MYO16: variants seen among roughly 807,000 people sequenced by gnomAD.
MYO16 encodes myosin XVI.
A neutral mutation model predicts 205.3 loss-of-function variants in MYO16; 94 were observed. The ratio of observed to expected loss-of-function variants is 0.46; its 90% CI spans 0.39 to 0.54. The LOEUF is 0.54. Among genes scored for constraint, MYO16 ranks in the 20% least tolerant of loss-of-function variants. MYO16 has a pLI of 0.00. For missense variants in MYO16, 2,315 were observed against 2,387.5 expected (o/e 0.97, Z 0.63); for synonymous variants, 988 against 954.0 (o/e 1.04, Z -0.66).
intron 27 of MYO16, among the ~76,000 whole-genome samples, chr13:109,073,453 T>C (rs1390203573): frequency 6.6e-6 from 1 of 152,018 alleles, no homozygotes; most frequent in Non-Finnish European, 1.5e-5. Flanking sequence ...GCATTCAAAT[T>C]ATTAAAAAGC....
intron 1 of MYO16, among the ~76,000 whole-genome samples, chr13:108,642,170 T>G (rs2139380537): frequency 6.6e-6 from 1 of 152,336 alleles, no homozygotes; most frequent in Admixed American, 6.5e-5. Flanking sequence ...ACCGTTATTC[T>G]TTCCTTTATC....
At chr13:108,923,565 C>T (rs1398754753) in intron 16 of MYO16, among the ~76,000 whole-genome samples, 2 of 152,200 alleles carry the variant, frequency 1.3e-5, no homozygotes, top group Non-Finnish European at 2.9e-5. Flanking sequence ...GCTGGTATGG[C>T]CAACCCGCTG....
At chr13:108,701,706 G>C (rs945480691) in intron 2 of MYO16, among the ~76,000 whole-genome samples, 2 of 152,000 alleles carry the variant, frequency 1.3e-5, no homozygotes, top group Non-Finnish European at 2.9e-5. Context: ...GAAAAAAGTA[G>C]TCAACAGAAT....
chr13:108,970,079 G>A (rs949448762), intron 20 of MYO16, among the ~76,000 whole-genome samples: 1 of 152,274 alleles, frequency 6.6e-6, no homozygotes, highest in South Asian at 2.1e-4. Flanking sequence ...GGGGGAACAC[G>A]TTAAAATTAC....
intron 2 of MYO16, among the ~76,000 whole-genome samples, chr13:108,697,509 G>T (rs558684724): frequency 6.6e-6 from 1 of 152,274 alleles, no homozygotes; most frequent in East Asian, 1.9e-4. Flanking sequence ...GTGACACAAG[G>T]ATCTAATGTA....
At chr13:108,902,710 C>T (rs1880768442) in intron 15 of MYO16, among the ~76,000 whole-genome samples, 1 of 152,110 alleles carries the variant, frequency 6.6e-6, no homozygotes. Context: ...TGACTCATGA[C>T]CTTCTCCCTG....
At chr13:109,193,000 C>A (rs1490093745) in intron 34 of MYO16, among the ~76,000 whole-genome samples, 2 of 152,138 alleles carry the variant, frequency 1.3e-5, no homozygotes, top group Non-Finnish European at 2.9e-5. Context: ...AATCATGCCT[C>A]TTCATGTCTT....
intron 2 of MYO16, among the ~76,000 whole-genome samples, chr13:108,687,808 A>T (rs998907249): frequency 6.6e-6 from 1 of 152,206 alleles, no homozygotes; most frequent in Non-Finnish European, 1.5e-5. Flanking sequence ...CATTGGTAGA[A>T]GTACATTATC....
intron 31 of MYO16, among the ~76,000 whole-genome samples, chr13:109,133,011 C>T (rs1446588200): frequency 6.6e-6 from 1 of 152,130 alleles, no homozygotes; most frequent in African/African-American, 2.4e-5. Flanking sequence ...GCATCGAGTG[C>T]AGTAGTGCAG....
the MYO16 span, among the ~76,000 whole-genome samples, chr13:108,590,008 G>A: frequency 1.4e-3 from 207 of 152,034 alleles, no homozygotes; most frequent in African/African-American, 4.9e-3. Flanking sequence ...TTCTAAATGT[G>A]TGCAGTGATA....
intron 7 of MYO16, among the ~76,000 whole-genome samples, chr13:108,813,478 G>C (rs1475104379): frequency 6.6e-6 from 1 of 152,100 alleles, no homozygotes; most frequent in Non-Finnish European, 1.5e-5. Flanking sequence ...AGGAAGGAAT[G>C]AGTGCTGGCT....
intron 19 of MYO16, 114 bp from the exon 20 acceptor site, chr13:108,964,647 T>G (rs945417772): frequency 8.9e-7 from 1 of 1,117,838 alleles, no homozygotes; most frequent in African/African-American, 1.6e-5. Context: ...ATAATTTTTA[T>G]ACATCACTTG....
At chr13:108,796,749 ACACAC>A (rs1886800882) in intron 6 of MYO16, among the ~76,000 whole-genome samples, 1 of 111,318 alleles carries the variant, frequency 9.0e-6, no homozygotes, top group South Asian at 3.6e-4. Context: ...GGGGAACATC[ACACAC>A]TGGGGCCTGT....
chr13:108,931,630 T>G (rs1423288010), intron 16 of MYO16, among the ~76,000 whole-genome samples: 2 of 152,196 alleles, frequency 1.3e-5, no homozygotes, highest in African/African-American at 4.8e-5. Flanking sequence ...ATTATAAGAT[T>G]TGGGACCCTG....
intron 2 of MYO16, among the ~76,000 whole-genome samples, chr13:108,677,104 T>A (rs570347052): frequency 6.6e-6 from 1 of 152,148 alleles, no homozygotes; most frequent in Non-Finnish European, 1.5e-5. Context: ...ATCCTTGTCA[T>A]CTTCCATGTA....
chr13:108,804,376 A>G (rs983714771), intron 6 of MYO16, among the ~76,000 whole-genome samples: 4 of 152,198 alleles, frequency 2.6e-5, no homozygotes, highest in Admixed American at 1.3e-4. Context: ...GGGCCCTTAA[A>G]GTAGCAGGAG....
intron 3 of MYO16, among the ~76,000 whole-genome samples, chr13:108,713,319 A>G (rs137975963): frequency 2.6e-5 from 4 of 152,322 alleles, no homozygotes; most frequent in African/African-American, 7.2e-5. Context: ...AAAGATAGAA[A>G]CTTAATTTTG....
chr13:108,510,217 C>T, the MYO16 span, among the ~76,000 whole-genome samples: 3 of 152,042 alleles, frequency 2.0e-5, no homozygotes, highest in Middle Eastern at 3.4e-3. Context: ...CCCGGGTTCA[C>T]GCCATTCTCC....
At chr13:109,003,576 A>G (rs1885289344) in intron 21 of MYO16, among the ~76,000 whole-genome samples, 1 of 152,168 alleles carries the variant, frequency 6.6e-6, no homozygotes, top group Non-Finnish European at 1.5e-5. Flanking sequence ...ACGTTTGTGG[A>G]AAAAAGGAAG....
Sources: allele counts gnomAD v4.1 joint callset (sites outside exome capture counted in the v4.1 genomes callset), GRCh38; gene constraint gnomAD v4.1.1; transcripts MANE v1.5; gene names NCBI Gene and HGNC (gene_info 2026-07-23, HGNC 2026-07-21).